AK4: variants seen among roughly 807,000 people sequenced by gnomAD.
The protein encoded by AK4 is adenylate kinase 4, mitochondrial.
Under a neutral mutation model 24.6 loss-of-function variants are expected in AK4, and 13 were observed. That is an observed-to-expected ratio of 0.53 (90% CI 0.34 to 0.84). AK4 has a LOEUF of 0.84. Ranked by LOEUF, AK4 falls within the 40% of genes least tolerant of loss-of-function variation. The pLI is 0.01. For missense variants in AK4, 192 were observed against 288.2 expected, an observed-to-expected ratio of 0.67 and a Z score of 2.42; for synonymous variants, 88 against 107.0, an observed-to-expected ratio of 0.82 and a Z score of 1.10.
chr1:65,214,752 C>T lies in AK4; in HGVS notation c.266-4002C>T, dbSNP rs56414417. 3.6e-3 allele frequency among the ~76,000 whole-genome samples: 546 copies of T among 152,296 alleles called. 1 individual carries two copies. The highest frequency in any genetic ancestry group is 0.011 in the African/African-American group (441 of 41,558). On this transcript the variant is annotated intron_variant, in intron 2 of 4. Transcript: ENST00000327299. ...ACCATGCTTGCCTCCCCTGCCACCACTTTCCTTAGAGGTAAGATACTGCAC... is the reference window on the plus strand; with the variant it reads ...ACCATGCTTGCCTCCCCTGCCACCATTTTCCTTAGAGGTAAGATACTGCAC...
chr1:65,177,696 C>A (rs1197693477), intron 1 of AK4, among the ~76,000 whole-genome samples: 1 of 152,156 alleles, frequency 6.6e-6, no homozygotes, highest in Non-Finnish European at 1.5e-5. Context: ...GAGCAAGCAT[C>A]CACTTGTTGG....
chr1:65,160,369 C>T lies in AK4; in HGVS notation c.145+11817C>T, dbSNP rs1650120526. ...GGTTGCACCTTGAACTTTGTATTCT[C>T]ACATGGCAGAAAGGATGGAGGAGGA... On this transcript the variant is annotated intron_variant, in intron 1 of 4. Transcript: ENST00000327299. Among the ~76,000 whole-genome samples the T allele has an allele frequency of 2.6e-5, 4 of 152,302 alleles. No homozygotes were observed. In the South Asian group the frequency reaches 6.2e-4, roughly 24 times the overall value.
chr1:65,203,131 T>C (rs553958658), intron 2 of AK4, among the ~76,000 whole-genome samples: 41 of 152,146 alleles, frequency 2.7e-4, no homozygotes, highest in African/African-American at 9.4e-4. Context: ...TCTCAGCCCC[T>C]CAGAGTGCTG....
At chr1:65,180,251 C>T (rs534316166) in intron 1 of AK4, among the ~76,000 whole-genome samples, 52 of 152,246 alleles carry the variant, frequency 3.4e-4, no homozygotes, top group Non-Finnish European at 6.8e-4. Context: ...AGTTCGAGAC[C>T]AGCCTGGGCA....
chr1:65,221,777 C>CTT (rs1387315376), intron 3 of AK4, among the ~76,000 whole-genome samples: 1 of 152,226 alleles, frequency 6.6e-6, no homozygotes, highest in Non-Finnish European at 1.5e-5. Context: ...CACTGAGTTG[C>CTT]TTTTCAAAGC....
intron 1 of AK4, among the ~76,000 whole-genome samples, chr1:65,151,214 G>A (rs1649761311): frequency 6.6e-6 from 1 of 152,008 alleles, no homozygotes; most frequent in African/African-American, 2.4e-5. Context: ...TGATCCACCC[G>A]TCTTGGCCTC....
intron 3 of AK4, among the ~76,000 whole-genome samples, chr1:65,222,742 T>C (rs1371082950): frequency 1.3e-5 from 2 of 152,234 alleles, no homozygotes; most frequent in East Asian, 3.8e-4. Context: ...ATAAGTCATA[T>C]ACCCAAGGCC....
At chr1:65,184,604 C>G (rs1157908263) in intron 1 of AK4, among the ~76,000 whole-genome samples, 1 of 152,126 alleles carries the variant, frequency 6.6e-6, no homozygotes, top group African/African-American at 2.4e-5. Context: ...GTGTCCACAG[C>G]CTTTCTTTGG....
At position 65,148,207 on chromosome 1, in the gene AK4, C is replaced by T. The variant is rs983999926; in HGVS notation, c.-201C>T. The T allele has an allele frequency of 9.4e-6, 11 of 1,165,960 alleles. No individual in the cohort carries two copies. Among genetic ancestry groups the T allele is most frequent in the African/African-American group, 3.2e-5 (2 of 63,206 alleles). 72.2% of individuals were successfully genotyped at this position (1,165,960 alleles called of 1,614,324 possible). A position where few individuals can be genotyped will look rare whatever the true frequency, so the allele number is the denominator to read the frequency against. ...GGGAGGTGTAGCGTGGCGCTCAGTC[C>T]GCCTGCTACTCGGTCCCGGCGCTGG... On this transcript the variant is annotated 5_prime_UTR_variant, in exon 1 of 5. Transcript: ENST00000327299.
At chr1:65,156,324 A>G (rs1211920315) in intron 1 of AK4, among the ~76,000 whole-genome samples, 3 of 152,118 alleles carry the variant, frequency 2.0e-5, no homozygotes, top group Admixed American at 6.6e-5. Context: ...TCATATATCT[A>G]TAGCATTTAT....
intron 1 of AK4, among the ~76,000 whole-genome samples, chr1:65,175,645 T>C (rs1275504854): frequency 6.6e-6 from 1 of 152,172 alleles, no homozygotes; most frequent in Non-Finnish European, 1.5e-5. Flanking sequence ...TTCTATGGTT[T>C]TTACAGAGTA....
chr1:65,210,747 T>C (rs996631798), intron 2 of AK4, among the ~76,000 whole-genome samples: 1 of 152,190 alleles, frequency 6.6e-6, no homozygotes, highest in Non-Finnish European at 1.5e-5. Context: ...CAGTCCCACA[T>C]TGCCTTCATT....
chr1:65,205,698 A>G (rs529889709), intron 2 of AK4, among the ~76,000 whole-genome samples: 2 of 152,226 alleles, frequency 1.3e-5, no homozygotes, highest in Non-Finnish European at 2.9e-5. Flanking sequence ...CTTTCCTTTC[A>G]GGGAAGTTTT....
intron 1 of AK4, among the ~76,000 whole-genome samples, chr1:65,169,886 T>C (rs1650452103): frequency 7.3e-6 from 1 of 137,222 alleles, no homozygotes; most frequent in Non-Finnish European, 1.5e-5. Context: ...TGTTCGGTTT[T>C]GTGTGTGTGT....
At chr1:65,192,541 G>A (rs896436474) in intron 2 of AK4, among the ~76,000 whole-genome samples, 1 of 152,136 alleles carries the variant, frequency 6.6e-6, no homozygotes, top group Non-Finnish European at 1.5e-5. Context: ...AACAACTCGT[G>A]TCCTTCTCAC....
chr1:65,149,092 AGC>A (rs1649677492), intron 1 of AK4: 1 of 152,220 alleles, frequency 6.6e-6, no homozygotes, highest in African/African-American at 2.4e-5. Flanking sequence ...CTCGGGGCAG[AGC>A]CCTGGGTGGC....
chr1:65,153,431 G>A (rs919323100), intron 1 of AK4, among the ~76,000 whole-genome samples: 12 of 151,968 alleles, frequency 7.9e-5, no homozygotes, highest in African/African-American at 2.9e-4. Flanking sequence ...CACCATGCCC[G>A]GATAATTTCG....
chr1:65,188,525 TTGGAG>T (rs1227211455), intron 1 of AK4, among the ~76,000 whole-genome samples: 20 of 152,048 alleles, frequency 1.3e-4, no homozygotes, highest in African/African-American at 4.8e-4. Context: ...GTCGCCCAGG[TTGGAG>T]TGCAGTGGCG....
chr1:65,194,741 C>T (rs1027680033), intron 2 of AK4, among the ~76,000 whole-genome samples: 5 of 152,192 alleles, frequency 3.3e-5, no homozygotes, highest in South Asian at 2.1e-4. Flanking sequence ...GGATTACAGG[C>T]GTGAGCCACA....
Sources: gnomAD v4.1 joint callset for allele counts (sites outside exome capture counted in the v4.1 genomes callset) on GRCh38, gnomAD v4.1.1 for gene constraint, MANE v1.5 for transcripts, NCBI Gene and HGNC (gene_info 2026-07-23, HGNC 2026-07-21) for gene names.